Variants in EXPH5 observed in about 807,000 individuals in gnomAD.
EXPH5 encodes the protein exophilin 5, also known as exophilin-5.
EXPH5 carries 42 observed loss-of-function variants against 41.1 expected under a neutral mutation model. That is an observed-to-expected ratio of 1.02 (90% CI 0.80 to 1.32). The LOEUF (loss-of-function observed/expected upper bound fraction) is 1.32, where lower values mean the gene tolerates loss of function less well. Ranked by LOEUF, EXPH5 falls within the 40% of genes most tolerant of loss-of-function variation. The pLI, the probability that EXPH5 is intolerant of heterozygous loss-of-function variation, is 0.00. For missense variants in EXPH5, 2,298 were observed against 2,314.5 expected, an observed-to-expected ratio of 0.99 and a Z score of 0.15; for synonymous variants, 798 against 833.5, an observed-to-expected ratio of 0.96 and a Z score of 0.73.
chr11:108,534,058 G>C lies in EXPH5; in HGVS notation c.443+4966C>G, dbSNP rs534431414. On this transcript the variant is annotated intron_variant, in intron 3 of 5. Transcript: ENST00000265843. ...GAGTCTCCCGCCTCAGCCTCCCAAA[G>C]TGTTGAGATTACAGGCGGCCACCAC... 2.2e-4 allele frequency among the ~76,000 whole-genome samples: 34 copies of C among 152,276 alleles called. No individual in the cohort carries two copies. The South Asian group carries it at 6.4e-3, about 29-fold the overall frequency.
intron 1 of EXPH5, among the ~76,000 whole-genome samples, chr11:108,545,275 G>A (rs556016414): frequency 3.3e-5 from 5 of 152,206 alleles, no homozygotes; most frequent in African/African-American, 4.8e-5. Flanking sequence ...TTAGCCAGGC[G>A]TGGTTGCTTG....
chr11:108,517,396 C>T (rs1376392785), intron 5 of EXPH5, among the ~76,000 whole-genome samples: 1 of 152,222 alleles, frequency 6.6e-6, no homozygotes, highest in Non-Finnish European at 1.5e-5. Context: ...CGTTGACTGT[C>T]CAGCTGACTG....
chr11:108,564,766 C>T (rs544922465), intron 1 of EXPH5, among the ~76,000 whole-genome samples: 2 of 152,246 alleles, frequency 1.3e-5, no homozygotes, highest in South Asian at 4.1e-4. Context: ...CATGTGCTTG[C>T]CAATGTTAGT....
intron 3 of EXPH5, among the ~76,000 whole-genome samples, chr11:108,529,609 C>A (rs750058412): frequency 2.6e-5 from 4 of 152,104 alleles, no homozygotes; most frequent in African/African-American, 4.8e-5. Context: ...CTTTGGGAGG[C>A]CGAGGTGGGT....
At chr11:108,592,113 G>T (rs1353715332) in intron 1 of EXPH5, among the ~76,000 whole-genome samples, 4 of 152,070 alleles carry the variant, frequency 2.6e-5, no homozygotes, top group African/African-American at 9.7e-5. Flanking sequence ...TATGCACGTG[G>T]GTGTGTGTGG....
At chr11:108,594,371 A>G (rs2136134260), upstream of EXPH5, among the ~76,000 whole-genome samples, 1 of 152,348 alleles carries the variant, frequency 6.6e-6, no homozygotes. Flanking sequence ...GAAGCAAAGG[A>G]CTGTAGAAAA....
the EXPH5 span, among the ~76,000 whole-genome samples, chr11:108,600,384 T>C: frequency 6.6e-6 from 1 of 152,212 alleles, no homozygotes. Flanking sequence ...TTAAAGAGTT[T>C]ATTAATGTAT....
intron 2 of EXPH5, among the ~76,000 whole-genome samples, chr11:108,540,304 CAG>C (rs1455896771): frequency 6.6e-6 from 1 of 152,074 alleles, no homozygotes; most frequent in East Asian, 1.9e-4. Flanking sequence ...GCCTGTGTGA[CAG>C]AGTGAGACTC....
rs1052426110 is a variant in EXPH5 at position 108,512,069 on chromosome 11, G to A, written c.3438C>T (p.Gly1146=). ...TTGGTGTTAGCTCAGAAGCATCCAT[G>A]CCTGAGGTCAATGGCTTTTTTCTTC... ...REGRKKPLTS[G]MDASELTPRA... The change falls in exon 6 of 6, where the codon GGC becomes GGT. Residue 1146 remains glycine (G), a synonymous_variant. Coordinates refer to ENST00000265843, the MANE Select transcript of EXPH5 (RefSeq NM_015065.3). 1 of 1,610,648 alleles carries A rather than the reference G, an allele frequency of 6.2e-7. No individual in the cohort carries two copies. The highest frequency in any genetic ancestry group is 8.5e-7 in the Non-Finnish European group (1 of 1,178,800).
chr11:108,572,883 A>T (rs2094065466), intron 1 of EXPH5, among the ~76,000 whole-genome samples: 1 of 152,000 alleles, frequency 6.6e-6, no homozygotes, highest in Admixed American at 6.6e-5. Context: ...ACTGTTAGTC[A>T]TTTACCTCTG....
At chr11:108,535,348 G>A (rs987951048) in intron 3 of EXPH5, among the ~76,000 whole-genome samples, 4 of 152,236 alleles carry the variant, frequency 2.6e-5, no homozygotes, top group East Asian at 3.9e-4. Context: ...CACTCCCCTC[G>A]TCTTGTTTCT....
chr11:108,536,706 G>A (rs1218768282), intron 3 of EXPH5, among the ~76,000 whole-genome samples: 1 of 152,174 alleles, frequency 6.6e-6, no homozygotes, highest in African/African-American at 2.4e-5. Context: ...CTGGTGAAAT[G>A]ATGAAGTCCA....
chr11:108,535,632 C>T (rs2093874664), intron 3 of EXPH5, among the ~76,000 whole-genome samples: 1 of 152,186 alleles, frequency 6.6e-6, no homozygotes, highest in Non-Finnish European at 1.5e-5. Context: ...AAAAAGTGAT[C>T]TGCCCTTTTA....
chr11:108,607,290 A>G, the EXPH5 span, among the ~76,000 whole-genome samples: 2 of 152,350 alleles, frequency 1.3e-5, no homozygotes, highest in African/African-American at 4.8e-5. Context: ...TTATTTTTCA[A>G]ACTGACTTAG....
chr11:108,579,720 T>A (rs1346579128), intron 1 of EXPH5, among the ~76,000 whole-genome samples: 2 of 152,164 alleles, frequency 1.3e-5, no homozygotes, highest in Non-Finnish European at 2.9e-5. Flanking sequence ...CTGAAACTGC[T>A]GTGAATTTAC....
At chr11:108,519,215 C>T (rs1164203425) in intron 4 of EXPH5, among the ~76,000 whole-genome samples, 2 of 152,060 alleles carry the variant, frequency 1.3e-5, no homozygotes, top group South Asian at 2.1e-4. Context: ...CTGGCGACCA[C>T]GGAAGGGCCA....
intron 1 of EXPH5, among the ~76,000 whole-genome samples, chr11:108,562,882 A>C (rs974789295): frequency 6.6e-6 from 1 of 152,202 alleles, no homozygotes; most frequent in African/African-American, 2.4e-5. Context: ...GTGTGTGTAC[A>C]TATGTTCATT....
intron 1 of EXPH5, among the ~76,000 whole-genome samples, chr11:108,584,256 A>G (rs1468179699): frequency 6.6e-6 from 1 of 152,144 alleles, no homozygotes; most frequent in Non-Finnish European, 1.5e-5. Flanking sequence ...TGGGCAGATC[A>G]CCTGAGGTCA....
chr11:108,562,710 C>T (rs554086154), intron 1 of EXPH5, among the ~76,000 whole-genome samples: 40 of 152,266 alleles, frequency 2.6e-4, no homozygotes, highest in Admixed American at 2.3e-3. Context: ...CACCTGTAAT[C>T]CCAACACTTT....
Sources: allele counts gnomAD v4.1 joint callset (sites outside exome capture counted in the v4.1 genomes callset), GRCh38; gene constraint gnomAD v4.1.1; transcripts MANE v1.5; gene names NCBI Gene and HGNC (gene_info 2026-07-23, HGNC 2026-07-21).